The following SDK2 variants were observed in gnomAD, a reference collection of about 807,000 sequenced individuals.
SDK2 encodes the protein sidekick cell adhesion molecule 2.
A neutral mutation model predicts 253.9 loss-of-function variants in SDK2; 105 were observed. The observed-to-expected ratio is 0.41, with a 90% CI of 0.35 to 0.49. The LOEUF (loss-of-function observed/expected upper bound fraction) is 0.49, where lower values mean the gene tolerates loss of function less well. Among genes scored for constraint, SDK2 ranks in the 20% least tolerant of loss-of-function variants. The pLI is 0.06. For synonymous variants in SDK2, 1,249 were observed against 1,234.9 expected (o/e 1.01, Z -0.24); for missense variants, 2,608 against 3,003.0 (o/e 0.87, Z 3.07).
chr17:73,512,258 C>A (rs1018966364), intron 1 of SDK2, among the ~76,000 whole-genome samples: 2 of 152,092 alleles, frequency 1.3e-5, no homozygotes, highest in South Asian at 4.2e-4. Flanking sequence ...AGAACAGAGC[C>A]TGGCACGTGC....
chr17:73,423,844 C>T lies in SDK2; in HGVS notation c.1760+72G>A, dbSNP rs1317884972. 43 of 1,308,182 alleles carry T rather than the reference C, an allele frequency of 3.3e-5. No homozygotes were observed. In the South Asian group the frequency reaches 4.2e-4, roughly 13 times the overall value. 81.0% of individuals were successfully genotyped at this position (1,308,182 alleles called of 1,614,324 possible). A position where few individuals can be genotyped will look rare whatever the true frequency, so the allele number is the denominator to read the frequency against. On this transcript the variant is annotated intron_variant, in intron 13 of 44. Transcript: ENST00000392650. ...GCCTGGGGATCTGAAAAAAGGGACTCGGCTGGCTCTGAGCATGCCAGTTGC... is the reference window on the plus strand; with the variant it reads ...GCCTGGGGATCTGAAAAAAGGGACTTGGCTGGCTCTGAGCATGCCAGTTGC...
intron 44 of SDK2, among the ~76,000 whole-genome samples, chr17:73,346,782 A>G (rs1355626639): frequency 6.6e-6 from 1 of 152,112 alleles, no homozygotes; most frequent in Non-Finnish European, 1.5e-5. Context: ...GGCGTATGCA[A>G]AACCCACTCT....
At chr17:73,584,616 C>A (rs200238206) in intron 1 of SDK2, among the ~76,000 whole-genome samples, 1 of 152,226 alleles carries the variant, frequency 6.6e-6, no homozygotes, top group African/African-American at 2.4e-5. Context: ...AGGCCCTGAG[C>A]TCCAGATGAA....
intron 18 of SDK2, among the ~76,000 whole-genome samples, chr17:73,402,415 C>T (rs1024749605): frequency 2.1e-4 from 32 of 152,198 alleles, no homozygotes; most frequent in Admixed American, 2.1e-3. Context: ...TCACAGAGAC[C>T]CAGGAGGGAG....
chr17:73,471,699 C>T (rs1291933966), intron 3 of SDK2, among the ~76,000 whole-genome samples: 1 of 152,166 alleles, frequency 6.6e-6, no homozygotes, highest in East Asian at 1.9e-4. Flanking sequence ...TCTGAAGATG[C>T]CCCTTCCCAG....
intron 24 of SDK2, among the ~76,000 whole-genome samples, chr17:73,396,291 A>C (rs556013983): frequency 6.6e-6 from 1 of 152,234 alleles, no homozygotes; most frequent in Non-Finnish European, 1.5e-5. Flanking sequence ...GACCATGGGC[A>C]GTGCTGGTGA....
chr17:73,350,288 C>G lies in SDK2; in HGVS notation c.5987G>C (p.Arg1996Thr). The change falls in exon 43 of 45, where the codon AGG (arginine) becomes ACG (threonine). Residue 1996 changes from arginine to threonine, a missense_variant. Transcript: ENST00000392650. ...GAAAGAGTTCTTGACGGAGAGCCGC[C>G]TGTTGTTGAGTTCCAGGGCAGGGAA... is the stretch of plus-strand genomic sequence containing the variant. ...SSFPALELNN[R>T]RLSVKNSFCR... 8 of 1,601,332 alleles carry G rather than the reference C, an allele frequency of 5.0e-6. No homozygotes were observed. Among genetic ancestry groups the G allele is most frequent in the Non-Finnish European group, 6.8e-6 (8 of 1,174,656 alleles).
In SDK2 at chr17:73,431,865, C is replaced by T. The variant is rs1024887955; in HGVS notation, c.1313-196G>A. Among the ~76,000 whole-genome samples, 4 of 152,090 alleles carry T rather than the reference C, an allele frequency of 2.6e-5. No individual in the cohort carries two copies. Among genetic ancestry groups the T allele is most frequent in the East Asian group, 1.9e-4 (1 of 5,176 alleles). ...GAGCTTTCTGGCTTAGGGACGGACA[C>T]GAGGGCACAGGGTCTCAGAGCGGGC... On this transcript the variant is annotated intron_variant, in intron 10 of 44. Coordinates refer to ENST00000392650, the MANE Select transcript of SDK2 (RefSeq NM_001144952.2). The surrounding 1 kb of genome is among the most constrained non-coding windows in gnomAD (Gnocchi z 5.6).
chr17:73,564,783 C>T lies in SDK2; in HGVS notation c.65-57186G>A, dbSNP rs536304603. ...GAGGTTGCAGTGGGCCGAGATCGCG[C>T]CACTGCACTCCAGCTTGGGGGACAG... On this transcript the variant is annotated intron_variant, in intron 1 of 44. Transcript: ENST00000392650. Among the ~76,000 whole-genome samples the T allele has an allele frequency of 3.9e-5, 6 of 152,082 alleles. No individual in the cohort carries two copies. In the South Asian group the frequency reaches 6.3e-4, roughly 16 times the overall value.
intron 27 of SDK2, among the ~76,000 whole-genome samples, 173 bp from the exon 28 acceptor site, chr17:73,391,711 G>A (rs2062929863): frequency 6.6e-6 from 1 of 152,242 alleles, no homozygotes; most frequent in Admixed American, 6.5e-5. Context: ...CCAGGGGCAA[G>A]AACGTGGAAC....
chr17:73,446,426 T>C (rs977556808), intron 5 of SDK2, among the ~76,000 whole-genome samples: 1 of 152,084 alleles, frequency 6.6e-6, no homozygotes, highest in Non-Finnish European at 1.5e-5. Context: ...GAAACTCTCC[T>C]CCCCGCATTC....
chr17:73,549,970 C>A (rs1164844592), intron 1 of SDK2, among the ~76,000 whole-genome samples: 1 of 152,088 alleles, frequency 6.6e-6, no homozygotes, highest in Non-Finnish European at 1.5e-5. Context: ...TGGGTGAGGA[C>A]CGCCGGGGGT....
chr17:73,461,395 A>G (rs561791363), intron 3 of SDK2, among the ~76,000 whole-genome samples: 39 of 152,258 alleles, frequency 2.6e-4, no homozygotes, highest in Non-Finnish European at 5.3e-4. Flanking sequence ...GTCTATGACA[A>G]CTGTCGAAAA....
rs111714441 is a variant in SDK2 at position 73,522,183 on chromosome 17, G to A, written c.65-14586C>T. On this transcript the variant is annotated intron_variant, in intron 1 of 44. Coordinates refer to ENST00000392650, the MANE Select transcript of SDK2 (RefSeq NM_001144952.2). ...CAACCCAGAGTGTGCAACTCTGAGCGCCCCGGAGAGAGAAGGCAGGGCTTT... is the reference window on the plus strand; with the variant it reads ...CAACCCAGAGTGTGCAACTCTGAGCACCCCGGAGAGAGAAGGCAGGGCTTT... 2.4e-4 allele frequency among the ~76,000 whole-genome samples: 37 copies of A among 152,358 alleles called. 1 individual carries two copies. The highest frequency in any genetic ancestry group is 8.4e-4 in the African/African-American group (35 of 41,576).
rs2045942550 is a variant in SDK2 at position 73,609,063 on chromosome 17, A to T, written c.64+34962T>A. Among the ~76,000 whole-genome samples the T allele has an allele frequency of 1.3e-5, 2 of 152,248 alleles. No homozygotes were observed. Among genetic ancestry groups the T allele is most frequent in the African/African-American group, 4.8e-5 (2 of 41,468 alleles). Reference sequence around the variant, plus strand: ...TGAGGTTTGGGCTGCAGATCACTGCATCTTGGCATTGACCTCAGTAAAGCC... The same window carrying T: ...TGAGGTTTGGGCTGCAGATCACTGCTTCTTGGCATTGACCTCAGTAAAGCC... On this transcript the variant is annotated intron_variant, in intron 1 of 44. Coordinates refer to ENST00000392650, the MANE Select transcript of SDK2 (RefSeq NM_001144952.2). This position sits in a 1 kb window ranked among gnomAD's most constrained non-coding sequence, Gnocchi z 4.4.
At chr17:73,572,486 C>CA (rs371160389) in intron 1 of SDK2, among the ~76,000 whole-genome samples, 252 of 151,694 alleles carry the variant, frequency 1.7e-3, no homozygotes, top group African/African-American at 5.9e-3. Flanking sequence ...CCCTTCCTCT[C>CA]ATGCCAGCCT....
At chr17:73,385,721 C>T in intron 32 of SDK2, 126 bp downstream of exon 32, 2 of 837,298 alleles carry the variant, frequency 2.4e-6, no homozygotes, top group Non-Finnish European at 4.0e-6. Flanking sequence ...CTCATGGCTT[C>T]CCAGGCGCTC....
At chr17:73,493,392 G>A (rs1035668022) in intron 2 of SDK2, among the ~76,000 whole-genome samples, 1 of 152,182 alleles carries the variant, frequency 6.6e-6, no homozygotes, top group African/African-American at 2.4e-5. Context: ...GAGTCTGGGC[G>A]GATGTGGCCA....
chr17:73,392,824 G>T (rs886645073), intron 27 of SDK2, among the ~76,000 whole-genome samples: 3 of 152,150 alleles, frequency 2.0e-5, no homozygotes, highest in African/African-American at 7.2e-5. Context: ...GGGGAGTTTT[G>T]CTACAGGGAT....
Sources: gnomAD v4.1 joint callset for allele counts (sites outside exome capture counted in the v4.1 genomes callset) on GRCh38, gnomAD v4.1.1 for gene constraint, Gnocchi (gnomAD v3.1) non-coding constraint, MANE v1.5 for transcripts, NCBI Gene and HGNC (gene_info 2026-07-23, HGNC 2026-07-21) for gene names.